The following ARHGAP15 variants were observed in gnomAD, a reference collection of about 807,000 sequenced individuals.
ARHGAP15 encodes rho GTPase-activating protein 15.
ARHGAP15 carries 51 observed loss-of-function variants against 63.7 expected under a neutral mutation model. That is an observed-to-expected ratio of 0.80 (90% CI 0.64 to 1.01). ARHGAP15 has a LOEUF of 1.01. Ranked by LOEUF, ARHGAP15 falls within the 50% of genes least tolerant of loss-of-function variation. The probability of loss-of-function intolerance (pLI) is 0.00; values close to 1 mark genes in which losing one functional copy is unlikely to be tolerated. For missense variants in ARHGAP15, 560 were observed against 564.6 expected (o/e 0.99, Z 0.08); for synonymous variants, 191 against 193.8 (o/e 0.99, Z 0.12).
intron 6 of ARHGAP15, among the ~76,000 whole-genome samples, chr2:143,365,264 G>A (rs1686246793): frequency 6.6e-6 from 1 of 152,066 alleles, no homozygotes; most frequent in Admixed American, 6.6e-5. Flanking sequence ...CTCTTCTCCA[G>A]TCCTAAGGAG....
chr2:143,527,252 G>A (rs1487584646), intron 10 of ARHGAP15, among the ~76,000 whole-genome samples: 2 of 151,956 alleles, frequency 1.3e-5, no homozygotes, highest in African/African-American at 4.8e-5. Flanking sequence ...CTATATGAAT[G>A]AACATGACAT....
At chr2:143,347,533 C>A (rs1685350675) in intron 6 of ARHGAP15, among the ~76,000 whole-genome samples, 1 of 152,104 alleles carries the variant, frequency 6.6e-6, no homozygotes, top group South Asian at 2.1e-4. Flanking sequence ...TTAATGATAT[C>A]TGATGATATC....
intron 6 of ARHGAP15, among the ~76,000 whole-genome samples, chr2:143,339,785 A>G (rs1313004942): frequency 6.6e-6 from 1 of 152,204 alleles, no homozygotes; most frequent in Non-Finnish European, 1.5e-5. Flanking sequence ...AAAATAGCAC[A>G]CTATACTTTA....
At chr2:143,215,311 GC>G (rs1692712757) in intron 3 of ARHGAP15, among the ~76,000 whole-genome samples, 1 of 151,966 alleles carries the variant, frequency 6.6e-6, no homozygotes, top group Non-Finnish European at 1.5e-5. Flanking sequence ...TTGCTATTCT[GC>G]CCAGGCTGGT....
At chr2:143,273,357 C>T (rs1681391519) in intron 6 of ARHGAP15, among the ~76,000 whole-genome samples, 1 of 152,172 alleles carries the variant, frequency 6.6e-6, no homozygotes, top group Non-Finnish European at 1.5e-5. Flanking sequence ...ATTACAGATA[C>T]TTCTCAACTT....
At chr2:143,176,554 T>TA (rs201398827) in intron 2 of ARHGAP15, among the ~76,000 whole-genome samples, 18 of 151,588 alleles carry the variant, frequency 1.2e-4, no homozygotes, top group South Asian at 2.1e-4. Flanking sequence ...TATTAAGTAG[T>TA]AAAAAAAAAC....
intron 6 of ARHGAP15, among the ~76,000 whole-genome samples, chr2:143,285,597 A>G (rs576172483): frequency 2.0e-5 from 3 of 152,216 alleles, no homozygotes; most frequent in Non-Finnish European, 4.4e-5. Context: ...ATCTGCACGC[A>G]TTCATTTCTG....
At chr2:143,604,366 G>C (rs1265760809) in intron 11 of ARHGAP15, among the ~76,000 whole-genome samples, 2 of 152,190 alleles carry the variant, frequency 1.3e-5, no homozygotes, top group Non-Finnish European at 2.9e-5. Flanking sequence ...TGTGTGCACT[G>C]TTCTTCACGC....
intron 11 of ARHGAP15, among the ~76,000 whole-genome samples, chr2:143,592,016 A>G (rs187123598): frequency 3.3e-5 from 5 of 152,144 alleles, no homozygotes; most frequent in Non-Finnish European, 4.4e-5. Context: ...ACTATAGTCC[A>G]TATCTCTGTT....
intron 6 of ARHGAP15, among the ~76,000 whole-genome samples, chr2:143,256,201 G>GA (rs1680419321): frequency 6.6e-6 from 1 of 152,098 alleles, no homozygotes; most frequent in Non-Finnish European, 1.5e-5. Flanking sequence ...AAATACAGCA[G>GA]ACTTTCATTA....
At chr2:143,344,513 G>A (rs1052547978) in intron 6 of ARHGAP15, among the ~76,000 whole-genome samples, 1 of 152,018 alleles carries the variant, frequency 6.6e-6, no homozygotes, top group Non-Finnish European at 1.5e-5. Context: ...ACCTCTCTCT[G>A]GCCAGATTAT....
At position 143,470,971 on chromosome 2, in the gene ARHGAP15, A is replaced by G. The variant is rs200695364; in HGVS notation, c.704-16402A>G. Among the ~76,000 whole-genome samples the G allele has an allele frequency of 3.4e-4, 49 of 143,036 alleles. No homozygotes were observed. The East Asian group carries it at 9.7e-3, about 28-fold the overall frequency. 93.8% of individuals were successfully genotyped at this position (143,036 alleles called of 152,430 possible). On this transcript the variant is annotated intron_variant, in intron 8 of 13. Coordinates refer to ENST00000295095, the MANE Select transcript of ARHGAP15 (RefSeq NM_018460.4). ...ACACACATGTGTATCATATGTGTGT[A>G]CATACACACGTGTATCATATACATG...
intron 6 of ARHGAP15, among the ~76,000 whole-genome samples, chr2:143,306,254 T>C (rs1372890022): frequency 2.6e-5 from 4 of 152,144 alleles, no homozygotes; most frequent in South Asian, 2.1e-4. Context: ...CTGAGACTTA[T>C]GGACAGAGAT....
intron 12 of ARHGAP15, among the ~76,000 whole-genome samples, chr2:143,663,588 A>G (rs1433180319): frequency 2.0e-5 from 3 of 151,968 alleles, no homozygotes; most frequent in Non-Finnish European, 4.4e-5. Flanking sequence ...ATGTAAATGG[A>G]CTAAATTTTC....
intron 13 of ARHGAP15, among the ~76,000 whole-genome samples, chr2:143,733,694 G>T (rs1001282526): frequency 4.6e-5 from 7 of 152,144 alleles, no homozygotes; most frequent in Admixed American, 1.3e-4. Context: ...GAGATTAAAA[G>T]AATTCATTTG....
chr2:143,197,832 T>C (rs16858804), intron 2 of ARHGAP15, among the ~76,000 whole-genome samples: 1,668 of 152,112 alleles, frequency 0.011, 39 homozygotes, highest in African/African-American at 0.038. Context: ...CACAACAAAT[T>C]TGAACCTGAT....
intron 6 of ARHGAP15, among the ~76,000 whole-genome samples, chr2:143,256,797 C>T (rs923424183): frequency 1.4e-4 from 22 of 151,806 alleles, no homozygotes; most frequent in Non-Finnish European, 2.6e-4. Context: ...ATATGAATGT[C>T]AGGGGTATAT....
chr2:143,491,103 G>C (rs887520350), intron 9 of ARHGAP15, among the ~76,000 whole-genome samples: 4 of 152,260 alleles, frequency 2.6e-5, no homozygotes, highest in African/African-American at 9.6e-5. Context: ...TTCTCCAAGG[G>C]CATTCAAGTT....
At chr2:143,377,980 C>T (rs1686890771) in intron 6 of ARHGAP15, among the ~76,000 whole-genome samples, 1 of 152,014 alleles carries the variant, frequency 6.6e-6, no homozygotes, top group African/African-American at 2.4e-5. Flanking sequence ...ATTTAATACA[C>T]TCAGAATGTC....
Sources: allele counts gnomAD v4.1 joint callset (sites outside exome capture counted in the v4.1 genomes callset), GRCh38; gene constraint gnomAD v4.1.1; transcripts MANE v1.5; gene names NCBI Gene and HGNC (gene_info 2026-07-23, HGNC 2026-07-21).